Variants in MAP2 observed in about 807,000 individuals in gnomAD.
MAP2 encodes microtubule associated protein 2.
Under a neutral mutation model 137.6 loss-of-function variants are expected in MAP2, and 14 were observed. The ratio of observed to expected loss-of-function variants is 0.10; its 90% CI spans 0.07 to 0.16. The LOEUF (loss-of-function observed/expected upper bound fraction) is 0.16. Ranked by LOEUF, MAP2 falls within the 10% of genes least tolerant of loss-of-function variation. The pLI, the probability that MAP2 is intolerant of heterozygous loss-of-function variation, is 1.00. For missense variants in MAP2, 2,088 were observed against 2,191.5 expected, an observed-to-expected ratio of 0.95 and a Z score of 0.94; for synonymous variants, 786 against 782.3, an observed-to-expected ratio of 1.00 and a Z score of -0.08.
At chr2:209,596,118 A>AG (rs1165866685) in intron 3 of MAP2, among the ~76,000 whole-genome samples, 1 of 151,898 alleles carries the variant, frequency 6.6e-6, no homozygotes, top group African/African-American at 2.4e-5. Context: ...AAAAAGAGAA[A>AG]GAAAAAAAAG....
At chr2:209,593,053 G>T (rs1286203422) in intron 3 of MAP2, among the ~76,000 whole-genome samples, 2 of 151,336 alleles carry the variant, frequency 1.3e-5, no homozygotes, top group Non-Finnish European at 2.9e-5. Flanking sequence ...TTCAAATTAT[G>T]TAATCAATTT....
At chr2:209,468,451 G>C (rs545618611) in intron 1 of MAP2, among the ~76,000 whole-genome samples, 1 of 150,552 alleles carries the variant, frequency 6.6e-6, no homozygotes, top group Admixed American at 6.7e-5. Context: ...TCCCGGAGTA[G>C]CTGGGACTAC....
intron 3 of MAP2, among the ~76,000 whole-genome samples, chr2:209,602,956 C>T (rs763417808): frequency 6.6e-6 from 1 of 152,108 alleles, no homozygotes; most frequent in Non-Finnish European, 1.5e-5. Context: ...AGGCTAATGA[C>T]TCTCAGGCAG....
intron 3 of MAP2, among the ~76,000 whole-genome samples, chr2:209,602,772 A>C (rs1034572365): frequency 2.0e-5 from 3 of 152,206 alleles, no homozygotes; most frequent in Non-Finnish European, 4.4e-5. Flanking sequence ...GAGTTTATCA[A>C]AATATGAAGA....
At chr2:209,593,007 A>G (rs796844396) in intron 3 of MAP2, among the ~76,000 whole-genome samples, 6 of 151,952 alleles carry the variant, frequency 3.9e-5, no homozygotes, top group African/African-American at 1.4e-4. Flanking sequence ...CATCAACTTT[A>G]CCTTTAGTCC....
chr2:209,549,365 A>G (rs1219439462), intron 2 of MAP2, among the ~76,000 whole-genome samples: 3 of 152,184 alleles, frequency 2.0e-5, no homozygotes, highest in Non-Finnish European at 4.4e-5. Context: ...ACTGAAGAGA[A>G]AAAGATGATC....
intron 1 of MAP2, among the ~76,000 whole-genome samples, chr2:209,428,256 A>T (rs1693115269): frequency 6.6e-6 from 1 of 152,194 alleles, no homozygotes; most frequent in East Asian, 1.9e-4. Context: ...ATTCTATGGA[A>T]AGTTAGACAA....
chr2:209,543,693 G>A (rs1276785061), intron 2 of MAP2, among the ~76,000 whole-genome samples: 1 of 152,176 alleles, frequency 6.6e-6, no homozygotes, highest in African/African-American at 2.4e-5. Flanking sequence ...TGTATTTTAA[G>A]ATTGTGTCAG....
intron 2 of MAP2, among the ~76,000 whole-genome samples, chr2:209,521,847 A>T (rs944939875): frequency 1.6e-4 from 24 of 152,158 alleles, no homozygotes; most frequent in Admixed American, 1.6e-3. Flanking sequence ...TAAAGCTCCT[A>T]TGGTATTATT....
At chr2:209,519,228 G>T (rs1210104194) in intron 2 of MAP2, among the ~76,000 whole-genome samples, 1 of 152,020 alleles carries the variant, frequency 6.6e-6, no homozygotes, top group East Asian at 1.9e-4. Flanking sequence ...TTTCTATATT[G>T]CCAAGTAGAT....
intron 1 of MAP2, among the ~76,000 whole-genome samples, chr2:209,504,669 C>A (rs1009588180): frequency 6.6e-6 from 1 of 152,068 alleles, no homozygotes; most frequent in African/African-American, 2.4e-5. Context: ...AAACATGTAA[C>A]GTAAAATTTA....
Position 209,484,320 on chromosome 2 carries a change from T to C in MAP2, c.-221-23272T>C, listed in dbSNP as rs562848883. On this transcript the variant is annotated intron_variant, in intron 1 of 15. Transcript: ENST00000682079. Reference sequence around the variant, plus strand: ...TATCAAGAAGTCAAAGAAAATGTATTTGATGGCGAGGCGCAGTGGCTCACG... The same window carrying C: ...TATCAAGAAGTCAAAGAAAATGTATCTGATGGCGAGGCGCAGTGGCTCACG... Among the ~76,000 whole-genome samples, 39 of 151,584 alleles carry C rather than the reference T, an allele frequency of 2.6e-4. No individual in the cohort carries two copies. The South Asian group carries it at 7.9e-3, about 31-fold the overall frequency.
intron 14 of MAP2, among the ~76,000 whole-genome samples, chr2:209,728,962 A>G (rs2075117328): frequency 6.6e-6 from 1 of 152,224 alleles, no homozygotes; most frequent in Non-Finnish European, 1.5e-5. Flanking sequence ...CTTTTTATCT[A>G]GATCAAATAC....
chr2:209,427,861 G>A (rs1435336130), intron 1 of MAP2, among the ~76,000 whole-genome samples: 3 of 152,176 alleles, frequency 2.0e-5, no homozygotes, highest in Non-Finnish European at 4.4e-5. Context: ...TGGGCGTAGA[G>A]GAAGATGTGG....
intron 2 of MAP2, among the ~76,000 whole-genome samples, chr2:209,518,663 C>A (rs1422470378): frequency 6.6e-6 from 1 of 151,988 alleles, no homozygotes; most frequent in Non-Finnish European, 1.5e-5. Flanking sequence ...TAAGCAGAAA[C>A]CCAGTTCATC....
intron 1 of MAP2, among the ~76,000 whole-genome samples, chr2:209,460,290 G>A (rs1452100033): frequency 1.3e-5 from 2 of 152,178 alleles, no homozygotes; most frequent in East Asian, 1.9e-4. Context: ...CTGACTAACC[G>A]TGTTTACAAT....
intron 1 of MAP2, among the ~76,000 whole-genome samples, chr2:209,467,305 G>T: frequency 6.6e-6 from 1 of 151,852 alleles, no homozygotes; most frequent in East Asian, 1.9e-4. Context: ...ATAATATACC[G>T]CCAGAAGATG....
chr2:209,464,754 A>G (rs986771990), intron 1 of MAP2, among the ~76,000 whole-genome samples: 1 of 152,146 alleles, frequency 6.6e-6, no homozygotes, highest in Admixed American at 6.6e-5. Flanking sequence ...TTATAAGGTC[A>G]TTAAAGACAA....
intron 12 of MAP2, among the ~76,000 whole-genome samples, 157 bp from the exon 13 acceptor site, chr2:209,709,757 A>G (rs2064816154): frequency 6.6e-6 from 1 of 152,164 alleles, no homozygotes; most frequent in Admixed American, 6.6e-5. Context: ...TGATTTCAGA[A>G]ACGAGACTCT....
Sources: allele counts gnomAD v4.1 joint callset (sites outside exome capture counted in the v4.1 genomes callset), GRCh38; gene constraint gnomAD v4.1.1; transcripts MANE v1.5; gene names NCBI Gene and HGNC (gene_info 2026-07-23, HGNC 2026-07-21).